The following IMMP2L variants were observed in gnomAD, a reference collection of about 807,000 sequenced individuals.
IMMP2L encodes the protein mitochondrial inner membrane protease subunit 2.
In IMMP2L, 18 loss-of-function variants were observed where a neutral mutation model predicts 19.3. The observed-to-expected ratio is 0.93, with a 90% CI of 0.64 to 1.38. IMMP2L has a LOEUF of 1.38. Ranked by LOEUF, IMMP2L falls within the 40% of genes most tolerant of loss-of-function variation. The pLI is 0.00. For synonymous variants in IMMP2L, 76 were observed against 73.0 expected (o/e 1.04, Z -0.21); for missense variants, 233 against 218.2 (o/e 1.07, Z -0.43).
chr7:111,014,451 G>A (rs1021006214), intron 3 of IMMP2L, among the ~76,000 whole-genome samples: 4 of 151,976 alleles, frequency 2.6e-5, no homozygotes, highest in Admixed American at 6.6e-5. Flanking sequence ...AAATATAAAT[G>A]ACTCCTGGAT....
At chr7:110,822,700 C>T (rs1419723553) in intron 5 of IMMP2L, among the ~76,000 whole-genome samples, 1 of 152,094 alleles carries the variant, frequency 6.6e-6, no homozygotes, top group Non-Finnish European at 1.5e-5. Flanking sequence ...AAGACACACA[C>T]TGAAATTATT....
chr7:111,127,661 TACTCAA>T (rs1391954328), intron 3 of IMMP2L, among the ~76,000 whole-genome samples: 41 of 152,278 alleles, frequency 2.7e-4, no homozygotes, highest in Admixed American at 2.6e-3. Flanking sequence ...TTGGTCAAAG[TACTCAA>T]ACCATTTAAC....
At chr7:111,076,350 G>A (rs1216274893) in intron 3 of IMMP2L, among the ~76,000 whole-genome samples, 1 of 152,192 alleles carries the variant, frequency 6.6e-6, no homozygotes, top group African/African-American at 2.4e-5. Flanking sequence ...AGTACTACTT[G>A]CACTGCTGAC....
intron 3 of IMMP2L, among the ~76,000 whole-genome samples, chr7:111,350,365 A>G (rs762036179): frequency 8.6e-5 from 13 of 151,372 alleles, no homozygotes; most frequent in Non-Finnish European, 1.5e-4. Flanking sequence ...ATATATATAT[A>G]TATAGTTGGA....
intron 3 of IMMP2L, among the ~76,000 whole-genome samples, chr7:111,028,129 G>A (rs377307719): frequency 1.3e-5 from 2 of 152,120 alleles, no homozygotes; most frequent in African/African-American, 2.4e-5. Flanking sequence ...AAATTTAAAC[G>A]AAAGAATAAT....
chr7:111,221,490 A>G (rs890222235), intron 3 of IMMP2L, among the ~76,000 whole-genome samples: 2 of 151,878 alleles, frequency 1.3e-5, no homozygotes, highest in Non-Finnish European at 2.9e-5. Context: ...AAGCATTTCA[A>G]TACTGAAACA....
In IMMP2L at chr7:110,991,973, T is replaced by C. The variant is rs531185590; in HGVS notation, c.240-28408A>G. ...AATTTTGCCAATCATATCATATCCATTGGCCAAGACTTTTCTTAAGCATCC... is the reference window on the plus strand; with the variant it reads ...AATTTTGCCAATCATATCATATCCACTGGCCAAGACTTTTCTTAAGCATCC... On this transcript the variant is annotated intron_variant, in intron 3 of 5. Coordinates refer to ENST00000405709, the MANE Select transcript of IMMP2L (RefSeq NM_032549.4). 1.1e-4 allele frequency among the ~76,000 whole-genome samples: 17 copies of C among 152,272 alleles called. No individual in the cohort carries two copies. The East Asian group carries it at 3.3e-3, about 29-fold the overall frequency.
intron 1 of IMMP2L, among the ~76,000 whole-genome samples, chr7:111,535,015 T>A (rs189015429): frequency 6.6e-6 from 1 of 152,316 alleles, no homozygotes; most frequent in Non-Finnish European, 1.5e-5. Context: ...ACTGATGTGA[T>A]GCTGGGTGCA....
At chr7:111,423,443 G>A (rs1364713617) in intron 3 of IMMP2L, among the ~76,000 whole-genome samples, 1 of 151,666 alleles carries the variant, frequency 6.6e-6, no homozygotes, top group Non-Finnish European at 1.5e-5. Context: ...TTTAGTCTTG[G>A]GAGGCTGTAT....
intron 3 of IMMP2L, among the ~76,000 whole-genome samples, chr7:111,463,562 A>G (rs114718013): frequency 0.011 from 1,611 of 152,214 alleles, 35 homozygotes; most frequent in African/African-American, 0.036. Flanking sequence ...CTTTTTTGGT[A>G]GCAACTACAT....
intron 3 of IMMP2L, among the ~76,000 whole-genome samples, chr7:111,228,527 G>C (rs1813351545): frequency 6.6e-6 from 1 of 151,346 alleles, no homozygotes. Flanking sequence ...GAGACCAGAT[G>C]GCCAAGACCA....
chr7:111,549,288 TACAA>T (rs1344678714), intron 1 of IMMP2L, among the ~76,000 whole-genome samples: 1 of 152,144 alleles, frequency 6.6e-6, no homozygotes, highest in Non-Finnish European at 1.5e-5. Context: ...ATAGGATTCT[TACAA>T]ACAGCTTATG....
intron 3 of IMMP2L, among the ~76,000 whole-genome samples, chr7:111,365,760 T>C (rs1439488594): frequency 1.3e-5 from 2 of 152,098 alleles, no homozygotes; most frequent in African/African-American, 4.8e-5. Context: ...AAAAGAATCA[T>C]GGCTTCTGGA....
At chr7:111,015,910 A>G (rs1003949638) in intron 3 of IMMP2L, among the ~76,000 whole-genome samples, 2 of 152,140 alleles carry the variant, frequency 1.3e-5, no homozygotes, top group African/African-American at 2.4e-5. Context: ...CCCACTTCAA[A>G]CACTCTTAAG....
intron 5 of IMMP2L, among the ~76,000 whole-genome samples, chr7:110,856,213 G>A (rs967800713): frequency 4.6e-5 from 7 of 151,976 alleles, no homozygotes; most frequent in Non-Finnish European, 8.8e-5. Context: ...AGTCTGGTCT[G>A]TTAAAGTAAG....
At chr7:110,838,392 G>T (rs936585008) in intron 5 of IMMP2L, among the ~76,000 whole-genome samples, 1 of 151,988 alleles carries the variant, frequency 6.6e-6, no homozygotes. Flanking sequence ...AGTTTTATAG[G>T]TTGCTATGGT....
intron 3 of IMMP2L, among the ~76,000 whole-genome samples, chr7:111,446,731 G>C (rs576569839): frequency 1.8e-4 from 27 of 152,226 alleles, no homozygotes; most frequent in Non-Finnish European, 3.5e-4. Context: ...AGCTAAGAGA[G>C]GAACGCTTCA....
At chr7:110,946,718 C>CTT (rs754971058) in intron 4 of IMMP2L, among the ~76,000 whole-genome samples, 1,978 of 114,128 alleles carry the variant, frequency 0.017, 150 homozygotes, top group African/African-American at 0.053. Context: ...CATTTAATAC[C>CTT]TTTTTTTTTT....
intron 5 of IMMP2L, among the ~76,000 whole-genome samples, chr7:110,736,271 A>G (rs2091309): frequency 0.44 from 67,326 of 152,124 alleles, 16,358 homozygotes; most frequent in African/African-American, 0.66. Flanking sequence ...GCCCCTAGTA[A>G]GGTAACACCC....
Sources: gnomAD v4.1 joint callset for allele counts (sites outside exome capture counted in the v4.1 genomes callset) on GRCh38, gnomAD v4.1.1 for gene constraint, MANE v1.5 for transcripts, NCBI Gene and HGNC (gene_info 2026-07-23, HGNC 2026-07-21) for gene names.